Variants in MSRB3 observed in about 807,000 individuals in gnomAD.
MSRB3 encodes the protein methionine sulfoxide reductase B3, also known as methionine-R-sulfoxide reductase B3.
In MSRB3, 13 loss-of-function variants were observed where a neutral mutation model predicts 21.0. The ratio of observed to expected loss-of-function variants is 0.62; its 90% CI spans 0.40 to 0.98. The LOEUF (loss-of-function observed/expected upper bound fraction) is 0.98, where lower values mean the gene tolerates loss of function less well. Among genes scored for constraint, MSRB3 ranks in the 50% least tolerant of loss-of-function variants. MSRB3 has a pLI of 0.00. For missense variants in MSRB3, 199 were observed against 230.3 expected, an observed-to-expected ratio of 0.86 and a Z score of 0.88; for synonymous variants, 87 against 88.6, an observed-to-expected ratio of 0.98 and a Z score of 0.10.
chr12:65,378,088 G>A (rs970656798), intron 5 of MSRB3, among the ~76,000 whole-genome samples: 3 of 151,994 alleles, frequency 2.0e-5, no homozygotes, highest in Non-Finnish European at 2.9e-5. Flanking sequence ...ACTTATTATA[G>A]CAGCTAGTGT....
At chr12:65,289,214 G>T (rs1285948478) in intron 1 of MSRB3, among the ~76,000 whole-genome samples, 1 of 152,134 alleles carries the variant, frequency 6.6e-6, no homozygotes, top group African/African-American at 2.4e-5. Flanking sequence ...AATGTTATTG[G>T]CCGGGCGTGG....
At chr12:65,418,787 T>A in intron 5 of MSRB3, 1 of 967,674 alleles carries the variant, frequency 1.0e-6, no homozygotes, top group Non-Finnish European at 1.6e-6. Context: ...GTCTGGCGGG[T>A]GGTGGTCTTT....
chr12:65,313,339 C>T (rs1336930163), intron 2 of MSRB3, among the ~76,000 whole-genome samples: 3 of 152,082 alleles, frequency 2.0e-5, no homozygotes, highest in South Asian at 4.1e-4. Flanking sequence ...AACTGATGTA[C>T]TTAAAAGATA....
intron 2 of MSRB3, among the ~76,000 whole-genome samples, chr12:65,324,337 G>T (rs947214952): frequency 6.6e-6 from 1 of 152,146 alleles, no homozygotes; most frequent in Non-Finnish European, 1.5e-5. Context: ...ATAAGACGGA[G>T]ACTAACAAAG....
At chr12:65,433,308 A>G (rs1433785739) in intron 5 of MSRB3, among the ~76,000 whole-genome samples, 1 of 151,840 alleles carries the variant, frequency 6.6e-6, no homozygotes, top group African/African-American at 2.4e-5. Flanking sequence ...AATTTTCTTT[A>G]GAGTGTGAAG....
chr12:65,374,919 G>C (rs912980492), intron 5 of MSRB3, among the ~76,000 whole-genome samples: 1 of 151,672 alleles, frequency 6.6e-6, no homozygotes, highest in African/African-American at 2.4e-5. Context: ...GCGCGATCTC[G>C]GCTCAATGCA....
chr12:65,412,204 G>T (rs911259115), intron 5 of MSRB3, among the ~76,000 whole-genome samples: 3 of 152,018 alleles, frequency 2.0e-5, no homozygotes, highest in African/African-American at 7.3e-5. Flanking sequence ...TTAAACAAGA[G>T]CCATCTTATT....
intron 5 of MSRB3, among the ~76,000 whole-genome samples, chr12:65,387,723 A>T (rs888913803): frequency 3.9e-5 from 6 of 152,182 alleles, no homozygotes; most frequent in Non-Finnish European, 8.8e-5. Flanking sequence ...CCTCAATGTT[A>T]TGAGAATTAA....
chr12:65,345,849 T>C (rs1201112544), intron 4 of MSRB3, among the ~76,000 whole-genome samples: 4 of 152,154 alleles, frequency 2.6e-5, no homozygotes, highest in African/African-American at 9.7e-5. Context: ...TTTTTGTCCT[T>C]GTGATAGTTT....
At chr12:65,421,829 G>A (rs1162800839) in intron 5 of MSRB3, among the ~76,000 whole-genome samples, 1 of 152,104 alleles carries the variant, frequency 6.6e-6, no homozygotes, top group Non-Finnish European at 1.5e-5. Flanking sequence ...AAACAAGTTG[G>A]CATAATAAGC....
intron 2 of MSRB3, among the ~76,000 whole-genome samples, chr12:65,320,565 T>C (rs1478858539): frequency 6.6e-6 from 1 of 152,142 alleles, no homozygotes; most frequent in Non-Finnish European, 1.5e-5. Context: ...TCCTCTCAGA[T>C]ATAACTCCAA....
At chr12:65,406,462 A>T (rs1002317820) in intron 5 of MSRB3, among the ~76,000 whole-genome samples, 6 of 152,364 alleles carry the variant, frequency 3.9e-5, no homozygotes, top group African/African-American at 1.4e-4. Flanking sequence ...ATAGAAAAAT[A>T]TCCTGTGTTC....
chr12:65,316,124 T>G (rs1165137002), intron 2 of MSRB3: 2 of 152,204 alleles, frequency 1.3e-5, no homozygotes, highest in East Asian at 3.8e-4. Flanking sequence ...ACTAGTTTGT[T>G]TCTACCACCA....
intron 5 of MSRB3, among the ~76,000 whole-genome samples, chr12:65,390,274 G>A (rs543107368): frequency 4.2e-4 from 64 of 152,030 alleles, no homozygotes; most frequent in South Asian, 1.2e-3. Flanking sequence ...AACCCCAAAC[G>A]CAACTCCTTC....
chr12:65,325,321 T>G (rs992668993), intron 2 of MSRB3, among the ~76,000 whole-genome samples: 11 of 152,172 alleles, frequency 7.2e-5, no homozygotes, highest in African/African-American at 2.7e-4. Flanking sequence ...CAACATGCCA[T>G]TAGTGACATG....
At chr12:65,450,112 C>T (rs1882791564) in intron 5 of MSRB3, among the ~76,000 whole-genome samples, 1 of 130,428 alleles carries the variant, frequency 7.7e-6, no homozygotes, top group South Asian at 2.4e-4. Context: ...ATTTATGCTG[C>T]AATCTAAAAA....
intron 4 of MSRB3, among the ~76,000 whole-genome samples, chr12:65,368,271 G>C (rs1037293651): frequency 6.6e-6 from 1 of 152,148 alleles, no homozygotes; most frequent in Non-Finnish European, 1.5e-5. Context: ...ATTGATTGTT[G>C]ATGTGTGATA....
At chr12:65,393,563 G>A (rs866389692) in intron 5 of MSRB3, among the ~76,000 whole-genome samples, 17 of 149,844 alleles carry the variant, frequency 1.1e-4, no homozygotes, top group Admixed American at 8.0e-4. Context: ...CCTGGGAGGC[G>A]GAGCTTGCGG....
At chr12:65,369,143 A>G in intron 5 of MSRB3, 117 bp downstream of exon 5, 1 of 752,316 alleles carries the variant, frequency 1.3e-6, no homozygotes, top group South Asian at 1.6e-5. Context: ...GTTTCTTTCC[A>G]AAATGTGAGT....
Sources: allele counts gnomAD v4.1 joint callset (sites outside exome capture counted in the v4.1 genomes callset), GRCh38; gene constraint gnomAD v4.1.1; transcripts MANE v1.5; gene names NCBI Gene and HGNC (gene_info 2026-07-23, HGNC 2026-07-21).